The following PKN2 variants were observed in gnomAD, a reference collection of about 807,000 sequenced individuals.
The protein encoded by PKN2 is protein kinase N2.
Under a neutral mutation model 119.1 loss-of-function variants are expected in PKN2, and 38 were observed. The ratio of observed to expected loss-of-function variants is 0.32; its 90% CI spans 0.25 to 0.42. The LOEUF is 0.42. Ranked by LOEUF, PKN2 falls within the 10% of genes least tolerant of loss-of-function variation. The pLI, the probability that PKN2 is intolerant of heterozygous loss-of-function variation, is 1.00. For synonymous variants in PKN2, 390 were observed against 384.9 expected, an observed-to-expected ratio of 1.01 and a Z score of -0.15; for missense variants, 850 against 1,165.1, an observed-to-expected ratio of 0.73 and a Z score of 3.94.
chr1:88,772,719 AG>A (rs1669945542), intron 6 of PKN2, among the ~76,000 whole-genome samples: 1 of 152,164 alleles, frequency 6.6e-6, no homozygotes, highest in Admixed American at 6.5e-5. Flanking sequence ...GTCATATGGT[AG>A]CTATATCTAA....
At chr1:88,686,557 A>G (rs189033756) in intron 1 of PKN2, among the ~76,000 whole-genome samples, 35 of 152,210 alleles carry the variant, frequency 2.3e-4, no homozygotes, top group Non-Finnish European at 3.7e-4. Context: ...CAGAAAAAGA[A>G]TAGTTTTTAT....
chr1:88,757,966 A>G (rs972922784), intron 2 of PKN2, among the ~76,000 whole-genome samples: 2 of 144,436 alleles, frequency 1.4e-5, no homozygotes, highest in Non-Finnish European at 3.0e-5. Flanking sequence ...GCTTGAACCC[A>G]GGAGGCGGAG....
intron 1 of PKN2, among the ~76,000 whole-genome samples, chr1:88,729,798 G>A (rs79257703): frequency 0.027 from 4,051 of 150,942 alleles, 82 homozygotes; most frequent in South Asian, 0.079. Context: ...CCATAGCTTC[G>A]CAACATGTTG....
chr1:88,781,208 G>A, intron 6 of PKN2: 1 of 1,226,790 alleles, frequency 8.2e-7, no homozygotes, highest in Non-Finnish European at 1.1e-6. Flanking sequence ...GCTATTATTT[G>A]TGGTTCGTCT....
intron 6 of PKN2, 51 bp downstream of exon 6, chr1:88,771,930 G>C (rs746682365): frequency 1.6e-6 from 2 of 1,218,630 alleles, no homozygotes; most frequent in Non-Finnish European, 2.4e-6. Context: ...TCTATAACTG[G>C]TTCTGATTTA....
At chr1:88,729,946 A>T (rs1668070003) in intron 1 of PKN2, among the ~76,000 whole-genome samples, 3 of 152,292 alleles carry the variant, frequency 2.0e-5, no homozygotes, top group Middle Eastern at 6.8e-3. Context: ...CGGGCGGATC[A>T]CGAGATCAGG....
Position 88,802,579 on chromosome 1 carries a change from A to G in PKN2, c.1282-1812A>G, listed in dbSNP as rs185826276. 1.2e-4 allele frequency among the ~76,000 whole-genome samples: 19 copies of G among 152,214 alleles called. No individual in the cohort carries two copies. In the East Asian group the frequency reaches 3.1e-3, roughly 25 times the overall value. The stretch of plus-strand genomic sequence containing the variant: ...GACCTCAAGTGATTCACCCACGTCA[A>G]CGTCCCAAAGTGCTGGGATTACAGG... On this transcript the variant is annotated intron_variant, in intron 8 of 21. Transcript: ENST00000370521.
intron 1 of PKN2, among the ~76,000 whole-genome samples, chr1:88,731,201 A>G (rs894569561): frequency 6.6e-6 from 1 of 152,248 alleles, no homozygotes; most frequent in African/African-American, 2.4e-5. Flanking sequence ...ATAAGCAAAC[A>G]GGTACAGATA....
intron 16 of PKN2, among the ~76,000 whole-genome samples, chr1:88,820,370 C>A (rs1672226835): frequency 6.7e-6 from 1 of 150,186 alleles, no homozygotes; most frequent in Non-Finnish European, 1.5e-5. Context: ...CCCGTCTCCA[C>A]TAAAAATACA....
intron 1 of PKN2, among the ~76,000 whole-genome samples, chr1:88,727,760 A>G (rs1282597079): frequency 6.6e-6 from 1 of 152,182 alleles, no homozygotes; most frequent in Non-Finnish European, 1.5e-5. Flanking sequence ...TAGTATTGAC[A>G]TTCTCCACAT....
intron 16 of PKN2, among the ~76,000 whole-genome samples, chr1:88,814,206 CAAATGT>C (rs1196189744): frequency 3.9e-5 from 6 of 152,090 alleles, no homozygotes; most frequent in Non-Finnish European, 7.4e-5. Context: ...TATCTCTGAA[CAAATGT>C]AAAAGAAACT....
intron 18 of PKN2, among the ~76,000 whole-genome samples, chr1:88,827,660 T>G (rs1286818961): frequency 5.2e-5 from 4 of 77,496 alleles, no homozygotes; most frequent in Non-Finnish European, 9.7e-5. Context: ...TCCCCTCCCC[T>G]CCCGTCCCCT....
At chr1:88,713,435 T>G (rs891267109) in intron 1 of PKN2, among the ~76,000 whole-genome samples, 1 of 152,152 alleles carries the variant, frequency 6.6e-6, no homozygotes, top group African/African-American at 2.4e-5. Context: ...CTCTCCAGCA[T>G]CTGTTGTTTC....
rs776442614 is a variant in PKN2 at position 88,781,139 on chromosome 1, G to A, written c.986-3500G>A. 17 of 1,275,674 alleles carry A rather than the reference G, an allele frequency of 1.3e-5. No homozygotes were observed. In the South Asian group the frequency reaches 1.4e-4, roughly 11 times the overall value. The allele number at this position is 1,275,674 out of a possible 1,614,324, so 79.0% of individuals were successfully genotyped here. A position where few individuals can be genotyped will look rare whatever the true frequency, so the allele number is the denominator to read the frequency against. On this transcript the variant is annotated intron_variant, in intron 6 of 21. Coordinates refer to ENST00000370521, the MANE Select transcript of PKN2 (RefSeq NM_006256.4). ...ACATTAATAGAAGACTACACATGAC[G>A]AAAAGATGAACATGGATGAATAGTA...
intron 3 of PKN2, among the ~76,000 whole-genome samples, chr1:88,760,721 T>A (rs1278709258): frequency 6.6e-6 from 1 of 152,216 alleles, no homozygotes; most frequent in African/African-American, 2.4e-5. Flanking sequence ...CTGAAATCAT[T>A]TTGACCTCAG....
intron 1 of PKN2, among the ~76,000 whole-genome samples, chr1:88,727,890 A>C (rs1667962015): frequency 6.6e-6 from 1 of 152,112 alleles, no homozygotes; most frequent in Admixed American, 6.6e-5. Flanking sequence ...GCACCCTCTA[A>C]CAGCAAGGTA....
intron 1 of PKN2, among the ~76,000 whole-genome samples, chr1:88,730,176 A>C (rs539747493): frequency 1.4e-4 from 21 of 152,268 alleles, no homozygotes; most frequent in South Asian, 2.1e-4. Flanking sequence ...AAAAAAAAAA[A>C]ACACCAGTCT....
At chr1:88,756,147 C>T (rs1046220066) in intron 2 of PKN2, among the ~76,000 whole-genome samples, 1 of 151,960 alleles carries the variant, frequency 6.6e-6, no homozygotes, top group South Asian at 2.1e-4. Flanking sequence ...CCACCTGCCT[C>T]GGCCTCCCAA....
At chr1:88,745,072 T>C (rs1307906608) in intron 2 of PKN2, among the ~76,000 whole-genome samples, 1 of 152,182 alleles carries the variant, frequency 6.6e-6, no homozygotes, top group Non-Finnish European at 1.5e-5. Context: ...TTTTTCGTGA[T>C]AAAAATTCTA....
Sources: gnomAD v4.1 joint callset for allele counts (sites outside exome capture counted in the v4.1 genomes callset) on GRCh38, gnomAD v4.1.1 for gene constraint, MANE v1.5 for transcripts, NCBI Gene and HGNC (gene_info 2026-07-23, HGNC 2026-07-21) for gene names.